MED12L: variants seen among roughly 807,000 people sequenced by gnomAD.
MED12L encodes the protein mediator complex subunit 12L.
In MED12L, 60 loss-of-function variants were observed where a neutral mutation model predicts 281.3. The ratio of observed to expected loss-of-function variants is 0.21; its 90% CI spans 0.17 to 0.26. The LOEUF (loss-of-function observed/expected upper bound fraction) is 0.26. Among genes scored for constraint, MED12L ranks in the 10% least tolerant of loss-of-function variants. MED12L has a pLI of 1.00. For missense variants in MED12L, 2,146 were observed against 2,680.9 expected, an observed-to-expected ratio of 0.80 and a Z score of 4.41; for synonymous variants, 974 against 987.2, an observed-to-expected ratio of 0.99 and a Z score of 0.25.
chr3:151,387,693 G>A (rs189743442), intron 36 of MED12L, 117 bp from the exon 37 acceptor site: 33 of 1,233,182 alleles, frequency 2.7e-5, no homozygotes, highest in Admixed American at 6.9e-5. Flanking sequence ...TGTATTCTCG[G>A]GTTCTCTAGG....
At chr3:151,346,190 G>A (rs567626089) in intron 16 of MED12L, among the ~76,000 whole-genome samples, 190 of 151,956 alleles carry the variant, frequency 1.3e-3, no homozygotes, top group Non-Finnish European at 1.9e-3. Context: ...TTTTTTTCCC[G>A]ATGGTCAAGT....
intron 16 of MED12L, among the ~76,000 whole-genome samples, chr3:151,331,538 G>A (rs1750355949): frequency 6.6e-6 from 1 of 152,190 alleles, no homozygotes; most frequent in African/African-American, 2.4e-5. Flanking sequence ...CATGTGGTAG[G>A]TATCATGTAG....
At position 151,434,839 on chromosome 3, in the gene MED12L, T is replaced by C. The variant is rs1388787369; in HGVS notation, c.*2035T>C. ...TAGCATTTGTATGCACTTTATACTT[T>C]GCAGAGGTGAGTTAAATTATTAATC... On this transcript the variant is annotated 3_prime_UTR_variant, in exon 45 of 45. Coordinates refer to ENST00000687756, the MANE Select transcript of MED12L (RefSeq NM_001393769.1). 6.6e-6 allele frequency: 1 copy of C among 152,254 alleles called. No homozygotes were observed. The highest frequency in any genetic ancestry group is 1.5e-5 in the Non-Finnish European group (1 of 68,042). 9.4% of individuals were successfully genotyped at this position (152,254 alleles called of 1,614,324 possible). A position where few individuals can be genotyped will look rare whatever the true frequency, so the allele number is the denominator to read the frequency against.
intron 16 of MED12L, among the ~76,000 whole-genome samples, chr3:151,311,714 T>C (rs1747547080): frequency 6.6e-6 from 1 of 152,220 alleles, no homozygotes; most frequent in South Asian, 2.1e-4. Context: ...CTGTTTTCTA[T>C]ATAAATATAT....
chr3:151,092,677 T>A (rs1720213827), intron 2 of MED12L, among the ~76,000 whole-genome samples: 1 of 151,974 alleles, frequency 6.6e-6, no homozygotes, highest in Non-Finnish European at 1.5e-5. Context: ...AAGGGGAGGA[T>A]GTTGATAAAG....
chr3:151,301,789 A>G (rs746644016), intron 16 of MED12L, among the ~76,000 whole-genome samples: 10 of 152,242 alleles, frequency 6.6e-5, no homozygotes, highest in Admixed American at 3.9e-4. Context: ...GACCCCTTAT[A>G]CACTGATGAT....
chr3:151,162,312 G>A (rs752945379), intron 8 of MED12L, among the ~76,000 whole-genome samples: 10 of 152,202 alleles, frequency 6.6e-5, no homozygotes, highest in Non-Finnish European at 1.3e-4. Flanking sequence ...AGATGGATTG[G>A]TAGGTTTCAG....
At chr3:151,087,066 T>C (rs778242510) in intron 2 of MED12L, 41 bp downstream of exon 2, 1 of 1,512,430 alleles carries the variant, frequency 6.6e-7, no homozygotes, top group Non-Finnish European at 9.0e-7. Context: ...GGGGCCGCGC[T>C]CTGCAGCACT....
rs570165363 is a variant in MED12L at position 151,362,784 on chromosome 3, T to C, written c.2957+2179T>C. Among the ~76,000 whole-genome samples the C allele has an allele frequency of 2.6e-5, 4 of 152,286 alleles. No individual in the cohort carries two copies. In the East Asian group the frequency reaches 7.7e-4, roughly 29 times the overall value. On this transcript the variant is annotated intron_variant, in intron 21 of 44. Coordinates refer to ENST00000687756, the MANE Select transcript of MED12L (RefSeq NM_001393769.1). ...TGTTTTTAATGGTATTAATAAAGTG[T>C]GAAAATATGAAATGGGTTAGGTTTC...
chr3:151,351,214 G>A (rs1279888665), intron 17 of MED12L, among the ~76,000 whole-genome samples: 1 of 152,148 alleles, frequency 6.6e-6, no homozygotes. Context: ...GAAAAATACA[G>A]ATCTTAATAA....
At chr3:151,407,872 T>C (rs1716511757) in intron 39 of MED12L, among the ~76,000 whole-genome samples, 1 of 152,218 alleles carries the variant, frequency 6.6e-6, no homozygotes, top group Non-Finnish European at 1.5e-5. Flanking sequence ...GTGATTTTTT[T>C]TGTGGGGATC....
rs73157936 is a variant in MED12L, at chr3:151,235,425, G to A, written c.2250+41759G>A. On this transcript the variant is annotated intron_variant, in intron 16 of 44. Coordinates refer to ENST00000687756, the MANE Select transcript of MED12L (RefSeq NM_001393769.1). ...TGAAAAGATCTAAAAGCAACTCATGGCCTGGCATGGTGGCTCATGCTTGTA... is the reference window on the plus strand; with the variant it reads ...TGAAAAGATCTAAAAGCAACTCATGACCTGGCATGGTGGCTCATGCTTGTA... Among the ~76,000 whole-genome samples the A allele has an allele frequency of 9.0e-3, 1,376 of 152,264 alleles. 13 individuals are homozygous for A. The highest frequency in any genetic ancestry group is 0.014 in the Non-Finnish European group (936 of 68,030).
At chr3:151,237,468 G>A (rs537265061) in intron 16 of MED12L, among the ~76,000 whole-genome samples, 2 of 144,284 alleles carry the variant, frequency 1.4e-5, no homozygotes, top group Non-Finnish European at 3.0e-5. Context: ...TCCTGCCTCC[G>A]CCTCCCAAGT....
chr3:151,111,036 C>T (rs903192844), intron 2 of MED12L, among the ~76,000 whole-genome samples: 2 of 152,212 alleles, frequency 1.3e-5, no homozygotes, highest in African/African-American at 4.8e-5. Flanking sequence ...TCTCAGGCAC[C>T]ACCCCTGACC....
At position 151,418,338 on chromosome 3, in the gene MED12L, T is replaced by C. The variant is rs565173750; in HGVS notation, c.6408+1916T>C. ...TTATAACCTATAACTCTTTTGCAGA[T>C]AGACAAATTAATGCTCTTTATTGCA... On this transcript the variant is annotated intron_variant, in intron 43 of 44. Coordinates refer to ENST00000687756, the MANE Select transcript of MED12L (RefSeq NM_001393769.1). Among the ~76,000 whole-genome samples the C allele has an allele frequency of 4.6e-5, 7 of 152,320 alleles. No homozygotes were observed. In the East Asian group the frequency reaches 7.7e-4, roughly 17 times the overall value.
chr3:151,214,317 C>T, intron 16 of MED12L: 1 of 1,610,692 alleles, frequency 6.2e-7, no homozygotes, highest in Non-Finnish European at 8.5e-7. Context: ...AATTGATCAT[C>T]TTGTAACTTC....
intron 27 of MED12L, among the ~76,000 whole-genome samples, chr3:151,374,608 A>C (rs984950718): frequency 1.3e-5 from 2 of 152,214 alleles, no homozygotes; most frequent in Non-Finnish European, 2.9e-5. Context: ...GAACAAACCT[A>C]CCTAAAAGGC....
At chr3:151,309,880 G>A (rs1747262073) in intron 16 of MED12L, among the ~76,000 whole-genome samples, 1 of 152,178 alleles carries the variant, frequency 6.6e-6, no homozygotes, top group Non-Finnish European at 1.5e-5. Context: ...GCATATGTCA[G>A]TTTTTTGTTT....
At chr3:151,302,440 T>C (rs1252826854) in intron 16 of MED12L, among the ~76,000 whole-genome samples, 1 of 152,212 alleles carries the variant, frequency 6.6e-6, no homozygotes, top group African/African-American at 2.4e-5. Flanking sequence ...CATAATCTTT[T>C]GAATCATGGG....
Sources: allele counts gnomAD v4.1 joint callset (sites outside exome capture counted in the v4.1 genomes callset), GRCh38; gene constraint gnomAD v4.1.1; transcripts MANE v1.5; gene names NCBI Gene and HGNC (gene_info 2026-07-23, HGNC 2026-07-21).